The following CDK10 variants were observed in gnomAD, a reference collection of about 807,000 sequenced individuals.
The protein encoded by CDK10 is cyclin-dependent kinase 10.
CDK10 carries 55 observed loss-of-function variants against 51.0 expected under a neutral mutation model. That is an observed-to-expected ratio of 1.08 (90% CI 0.87 to 1.35). CDK10 has a LOEUF of 1.35. Among genes scored for constraint, CDK10 ranks in the 40% most tolerant of loss-of-function variants. CDK10 has a pLI of 0.00. For missense variants in CDK10, 589 were observed against 485.1 expected, an observed-to-expected ratio of 1.21 and a Z score of -2.01; for synonymous variants, 255 against 199.1, an observed-to-expected ratio of 1.28 and a Z score of -2.36.
intron 3 of CDK10, among the ~76,000 whole-genome samples, 172 bp downstream of exon 3, chr16:89,690,796 G>C (rs1320136426): frequency 2.0e-5 from 3 of 152,106 alleles, no homozygotes; most frequent in East Asian, 1.9e-4. Context: ...AGCCTCAGCT[G>C]TCTGCCAGGA....
At chr16:89,687,455 G>A in intron 1 of CDK10, 1 of 455,976 alleles carries the variant, frequency 2.2e-6, no homozygotes, top group South Asian at 1.5e-5. Context: ...ACAGATCGTG[G>A]CTGGATGACA....
chr16:89,687,090 T>A (rs2060226864), intron 1 of CDK10: 1 of 295,324 alleles, frequency 3.4e-6, no homozygotes, highest in Admixed American at 5.1e-5. Flanking sequence ...GCTCGGGCGC[T>A]GCTGGGTTCA....
At position 89,694,874 on chromosome 16, in the gene CDK10, G is replaced by A. The variant is rs1264611986; in HGVS notation, c.793-57G>A. On this transcript the variant is annotated intron_variant, in intron 10 of 12. Transcript: ENST00000353379. ...CCCCGCCCGTGCCCACGCCCTCTGC[G>A]CCCGCAGCCCCCGCCCGTGCCCACG... is the stretch of plus-strand genomic sequence containing the variant. 6.3e-6 allele frequency: 10 copies of A among 1,577,674 alleles called. No individual in the cohort carries two copies. The East Asian group carries it at 1.4e-4, about 22-fold the overall frequency.
At chr16:89,692,758 T>G (rs1597859869) in intron 6 of CDK10, 3 of 377,468 alleles carry the variant, frequency 7.9e-6, no homozygotes, top group Non-Finnish European at 9.5e-6. Context: ...GGATTACAGG[T>G]GGGAGCCACC....
At position 89,694,878 on chromosome 16, in the gene CDK10, G is replaced by A. The variant is rs1040006916; in HGVS notation, c.793-53G>A. The A allele has an allele frequency of 3.4e-5, 40 of 1,183,638 alleles. No homozygotes were observed. The East Asian group carries it at 1.0e-3, about 30-fold the overall frequency. The allele number at this position is 1,183,638 out of a possible 1,614,324, so 73.3% of individuals were successfully genotyped here. A position where few individuals can be genotyped will look rare whatever the true frequency, so the allele number is the denominator to read the frequency against. On this transcript the variant is annotated intron_variant, in intron 10 of 12. Transcript: ENST00000353379. ...GCCCGTGCCCACGCCCTCTGCGCCC[G>A]CAGCCCCCGCCCGTGCCCACGCCCT... is the stretch of plus-strand genomic sequence containing the variant.
At chr16:89,693,175 G>T in intron 6 of CDK10, 99 bp from the exon 7 acceptor site, 10 of 1,001,352 alleles carry the variant, frequency 1.0e-5, no homozygotes, top group Non-Finnish European at 1.6e-5. Flanking sequence ...GCCCAAAGCT[G>T]AGGAAACGTG....
intron 4 of CDK10, 99 bp from the exon 5 acceptor site, chr16:89,691,707 A>G: frequency 7.6e-7 from 1 of 1,312,122 alleles, no homozygotes; most frequent in Non-Finnish European, 1.1e-6. Context: ...AGGGGGACAC[A>G]GGTTGTCCTG....
At position 89,693,406 on chromosome 16, in the gene CDK10, G is replaced by A. The variant is rs759891268; in HGVS notation, c.547G>A (p.Gly183Ser). 9.9e-6 allele frequency: 16 copies of A among 1,614,062 alleles called. No homozygotes were observed. The highest frequency in any genetic ancestry group is 5.5e-5 in the South Asian group (5 of 91,086). Residue 183 changes from glycine to serine, a missense_variant, in exon 8 of 13, where the codon GGC becomes AGC. By Grantham distance (56) the Gly-to-Ser change is moderately conservative. Coordinates refer to ENST00000353379, the MANE Select transcript of CDK10 (RefSeq NM_052988.5). Reference protein sequence around the residue: ...DKGCVKTADFGLARAYGVPVK... With the variant: ...DKGCVKTADFSLARAYGVPVK... ...TCCCCTCTCTGCTGCAGCGGATTTC[G>A]GCCTGGCCCGGGCCTATGGTGTCCC...
chr16:89,690,421 G>A, intron 2 of CDK10, 132 bp from the exon 3 acceptor site: 2 of 743,516 alleles, frequency 2.7e-6, no homozygotes, highest in Non-Finnish European at 4.8e-6. Context: ...TGGGGACTGA[G>A]TGTCACTGGG....
At position 89,691,563 on chromosome 16, in the gene CDK10, C is replaced by G; in HGVS notation, c.335+18C>G. Reference sequence around the variant, plus strand: ...CTGGAGAGGTACGTGGTCTCCTGGTCTGCACATTGGGCCCTAGGGAGCATG... The same window carrying G: ...CTGGAGAGGTACGTGGTCTCCTGGTGTGCACATTGGGCCCTAGGGAGCATG... On this transcript the variant is annotated intron_variant, in intron 4 of 12. Transcript: ENST00000353379. 6.3e-7 allele frequency: 1 copy of G among 1,588,668 alleles called. No individual in the cohort carries two copies. Among genetic ancestry groups the G allele is most frequent in the Non-Finnish European group, 8.6e-7 (1 of 1,158,150 alleles).
At chr16:89,692,206 C>T (rs945332542) in intron 5 of CDK10, 6 of 546,042 alleles carry the variant, frequency 1.1e-5, no homozygotes, top group East Asian at 3.2e-5. Context: ...GGCGGAGAGC[C>T]TTCTGAGGGC....
chr16:89,689,523 A>T, intron 2 of CDK10, 199 bp downstream of exon 2: 1 of 585,638 alleles, frequency 1.7e-6, no homozygotes, highest in Non-Finnish European at 3.1e-6. Context: ...AAACGTAAGC[A>T]TCCGGTTGCT....
chr16:89,691,694 C>G (rs1379414483), intron 4 of CDK10, 112 bp from the exon 5 acceptor site: 2 of 1,276,656 alleles, frequency 1.6e-6, no homozygotes, highest in African/African-American at 1.5e-5. Flanking sequence ...AGCCCATTGT[C>G]TGAGGGGGAC....
chr16:89,695,868 GA>G lies in CDK10; in HGVS notation c.*181del. 1 of 1,441,482 alleles carries G rather than the reference GA, an allele frequency of 6.9e-7. No homozygotes were observed. The highest frequency in any genetic ancestry group is 9.4e-7 in the Non-Finnish European group (1 of 1,061,320). 89.3% of individuals were successfully genotyped at this position (1,441,482 alleles called of 1,614,324 possible). On this transcript the variant is annotated 3_prime_UTR_variant, in exon 13 of 13. Transcript: ENST00000353379. Reference sequence around the variant, plus strand: ...TGCCCTGAACCCACTGCTGCCCCCAGAAAAAGGCCGGGTGACACCGGGGGGC... The same window carrying G: ...TGCCCTGAACCCACTGCTGCCCCCAGAAAAGGCCGGGTGACACCGGGGGGC...
At chr16:89,689,102 A>T in intron 1 of CDK10, 150 bp from the exon 2 acceptor site, 1 of 680,884 alleles carries the variant, frequency 1.5e-6, no homozygotes, top group East Asian at 2.8e-5. Context: ...TCAGTCTCAA[A>T]AAAAGAAAAA....
chr16:89,692,180 G>C, intron 5 of CDK10: 1 of 567,046 alleles, frequency 1.8e-6, no homozygotes, highest in Non-Finnish European at 3.1e-6. Flanking sequence ...TGGGCTGCTG[G>C]GAGCGGGGAG....
chr16:89,693,216 G>A (rs1391015220), intron 6 of CDK10, 58 bp from the exon 7 acceptor site: 2 of 1,501,342 alleles, frequency 1.3e-6, no homozygotes, highest in Non-Finnish European at 1.9e-6. Flanking sequence ...GTGCCGTGGG[G>A]GAGCTCTCAG....
chr16:89,694,609 C>A, intron 9 of CDK10, 56 bp from the exon 10 acceptor site: 3 of 1,555,382 alleles, frequency 1.9e-6, no homozygotes, highest in South Asian at 1.2e-5. Flanking sequence ...CTCTGTTCCT[C>A]GCGCTGGCGG....
At chr16:89,692,146 A>G (rs1471542809) in intron 5 of CDK10, 2 of 561,932 alleles carry the variant, frequency 3.6e-6, no homozygotes, top group Non-Finnish European at 6.2e-6. Flanking sequence ...CGGGGCTGAG[A>G]GCCTTCTGAG....
Sources: allele counts gnomAD v4.1 joint callset (sites outside exome capture counted in the v4.1 genomes callset), GRCh38; gene constraint gnomAD v4.1.1; transcripts MANE v1.5; gene names NCBI Gene and HGNC (gene_info 2026-07-23, HGNC 2026-07-21).